PTPRC: variants seen among roughly 807,000 people sequenced by gnomAD.
PTPRC encodes the protein protein tyrosine phosphatase receptor type C, also known as receptor-type tyrosine-protein phosphatase C.
PTPRC carries 44 observed loss-of-function variants against 155.9 expected under a neutral mutation model. The ratio of observed to expected loss-of-function variants is 0.28; its 90% CI spans 0.22 to 0.36. The LOEUF is 0.36. Ranked by LOEUF, PTPRC falls within the 10% of genes least tolerant of loss-of-function variation. The probability of loss-of-function intolerance (pLI) is 1.00; values close to 1 mark genes in which losing one functional copy is unlikely to be tolerated. For missense variants in PTPRC, 1,401 were observed against 1,564.6 expected (o/e 0.90, Z 1.76); for synonymous variants, 525 against 533.1 (o/e 0.98, Z 0.21).
chr1:198,722,383 C>A, intron 14 of PTPRC, 33 bp from the exon 15 acceptor site: 1 of 1,214,698 alleles, frequency 8.2e-7, no homozygotes, highest in Non-Finnish European at 1.1e-6. Flanking sequence ...CATTAGCAAA[C>A]TAATTATTTT....
chr1:198,756,083 A>G lies in PTPRC; in HGVS notation c.3823A>G (p.Lys1275Glu). The G allele has an allele frequency of 6.2e-7, 1 of 1,613,472 alleles. No homozygotes were observed. Among genetic ancestry groups the G allele is most frequent in the Non-Finnish European group, 8.5e-7 (1 of 1,179,674 alleles). ...TGCCCCAGAAAAGCTCCCTGAAGCA[A>G]AGGAACAGGCTGAAGGTTCTGAACC... The part of the protein sequence containing the change: ...LGAPEKLPEA[K>E]EQAEGSEPTS... Residue 1275 changes from lysine to glutamate, a missense_variant, in exon 33 of 33, where the codon AAG (lysine) becomes GAG (glutamate). By Grantham distance (56) the Lys-to-Glu change is moderately conservative (BLOSUM62 1). Around this residue, in one of 3 missense-constraint regions of PTPRC, gnomAD observed 400 missense variants for 389.5 expected, o/e 1.03. Coordinates refer to ENST00000442510, the MANE Select transcript of PTPRC (RefSeq NM_002838.5).
intron 2 of PTPRC, among the ~76,000 whole-genome samples, chr1:198,661,108 A>G (rs977530074): frequency 2.0e-5 from 3 of 152,142 alleles, no homozygotes; most frequent in Non-Finnish European, 4.4e-5. Flanking sequence ...CTGCTGAAAT[A>G]TTTTGAAATT....
At chr1:198,655,807 C>T (rs772079406) in intron 2 of PTPRC, among the ~76,000 whole-genome samples, 24 of 152,090 alleles carry the variant, frequency 1.6e-4, no homozygotes, top group Non-Finnish European at 2.9e-5. Context: ...CCAGAAATGT[C>T]TCCAGGCATT....
At chr1:198,665,079 CATTT>C (rs1664202040) in intron 2 of PTPRC, among the ~76,000 whole-genome samples, 1 of 102,210 alleles carries the variant, frequency 9.8e-6, no homozygotes, top group African/African-American at 3.5e-5. Context: ...ATCCCGGCAG[CATTT>C]TTTTTTTTTT....
intron 2 of PTPRC, among the ~76,000 whole-genome samples, chr1:198,682,438 A>T (rs969617927): frequency 6.6e-6 from 1 of 151,870 alleles, no homozygotes; most frequent in Non-Finnish European, 1.5e-5. Flanking sequence ...ATTATATTGT[A>T]GTTAGTTCAC....
chr1:198,743,959 G>A (rs193178888), intron 25 of PTPRC, 95 bp from the exon 26 acceptor site: 28 of 1,248,530 alleles, frequency 2.2e-5, no homozygotes, highest in Admixed American at 2.2e-4. Context: ...GTTCCAATAT[G>A]AGCAAATTTA....
At chr1:198,754,560 T>C in intron 32 of PTPRC, 156 bp downstream of exon 32, 1 of 905,266 alleles carries the variant, frequency 1.1e-6, no homozygotes, top group Non-Finnish European at 1.6e-6. Flanking sequence ...TTTTAGCTTT[T>C]CTACTTTTAC....
intron 26 of PTPRC, among the ~76,000 whole-genome samples, chr1:198,747,579 T>C (rs1309113178): frequency 6.6e-6 from 1 of 151,804 alleles, no homozygotes; most frequent in African/African-American, 2.4e-5. Context: ...CAGACTGGAT[T>C]AAGTAGGAAG....
chr1:198,717,693 G>A (rs1653660202), intron 13 of PTPRC, among the ~76,000 whole-genome samples: 1 of 152,150 alleles, frequency 6.6e-6, no homozygotes, highest in Non-Finnish European at 1.5e-5. Context: ...GTGTTTACCA[G>A]GATAACATTA....
At chr1:198,721,253 G>A (rs1379828645) in intron 14 of PTPRC, among the ~76,000 whole-genome samples, 1 of 152,060 alleles carries the variant, frequency 6.6e-6, no homozygotes, top group Non-Finnish European at 1.5e-5. Flanking sequence ...GTGATCTCTG[G>A]TTAATAAATT....
intron 2 of PTPRC, among the ~76,000 whole-genome samples, chr1:198,675,511 A>G (rs1664903913): frequency 6.6e-6 from 1 of 152,170 alleles, no homozygotes; most frequent in South Asian, 2.1e-4. Context: ...ATCATCATAA[A>G]GAGACAAAAT....
At chr1:198,668,511 T>G (rs1344142399) in intron 2 of PTPRC, among the ~76,000 whole-genome samples, 1 of 152,248 alleles carries the variant, frequency 6.6e-6, no homozygotes, top group South Asian at 2.1e-4. Flanking sequence ...ACAAATTGAG[T>G]GCTTTAATTT....
chr1:198,666,275 G>A (rs939842688), intron 2 of PTPRC, among the ~76,000 whole-genome samples: 2 of 150,240 alleles, frequency 1.3e-5, no homozygotes, highest in Non-Finnish European at 3.0e-5. Flanking sequence ...GATGTAGGGA[G>A]CATTGTGGAC....
intron 12 of PTPRC, among the ~76,000 whole-genome samples, chr1:198,713,604 AAAAG>A (rs1653420078): frequency 6.6e-6 from 1 of 152,194 alleles, no homozygotes; most frequent in South Asian, 2.1e-4. Context: ...ATTAAAAAAA[AAAAG>A]AAGAAGAAAG....
At chr1:198,662,098 G>T (rs1011904274) in intron 2 of PTPRC, among the ~76,000 whole-genome samples, 2 of 152,132 alleles carry the variant, frequency 1.3e-5, no homozygotes, top group Non-Finnish European at 2.9e-5. Context: ...AGCAATCTCA[G>T]AGTCAACCTA....
chr1:198,717,372 A>G (rs1014402748), intron 13 of PTPRC, among the ~76,000 whole-genome samples: 1 of 152,186 alleles, frequency 6.6e-6, no homozygotes, highest in African/African-American at 2.4e-5. Flanking sequence ...TGCCACTAGT[A>G]TAATCTCTCC....
At chr1:198,726,331 A>G (rs1421907884) in intron 15 of PTPRC, among the ~76,000 whole-genome samples, 1 of 152,208 alleles carries the variant, frequency 6.6e-6, no homozygotes, top group Non-Finnish European at 1.5e-5. Flanking sequence ...GACAAGGAAC[A>G]CTTTGGGTCA....
chr1:198,647,098 T>G (rs1662979568), intron 2 of PTPRC, among the ~76,000 whole-genome samples: 1 of 151,910 alleles, frequency 6.6e-6, no homozygotes, highest in Non-Finnish European at 1.5e-5. Flanking sequence ...TCCACATCTT[T>G]TTATCAATGG....
intron 4 of PTPRC, 45 bp from the exon 5 acceptor site, chr1:198,699,519 C>G (rs749961169): frequency 6.2e-7 from 1 of 1,611,636 alleles, no homozygotes; most frequent in Non-Finnish European, 8.5e-7. Flanking sequence ...TTATTCATCT[C>G]CAGTGGGGGA....
Sources: gnomAD v4.1 joint callset for allele counts (sites outside exome capture counted in the v4.1 genomes callset) on GRCh38, gnomAD v4.1.1 for gene constraint, gnomAD v4.1.1 regional missense constraint, MANE v1.5 for transcripts, NCBI Gene and HGNC (gene_info 2026-07-23, HGNC 2026-07-21) for gene names.